Variants in PAX7 observed in about 807,000 individuals in gnomAD.
PAX7 encodes paired box 7, also known as paired box protein Pax-7.
PAX7 carries 18 observed loss-of-function variants against 50.7 expected under a neutral mutation model. The ratio of observed to expected loss-of-function variants is 0.36; its 90% confidence interval spans 0.25 to 0.53. The LOEUF is 0.53. Among genes scored for constraint, PAX7 ranks in the 20% least tolerant of loss-of-function variants. The probability of loss-of-function intolerance (pLI) is 0.93; values close to 1 mark genes in which losing one functional copy is unlikely to be tolerated. For missense variants in PAX7, 644 were observed against 702.9 expected (o/e 0.92, Z 0.95); for synonymous variants, 310 against 290.4 (o/e 1.07, Z -0.69).
intron 7 of PAX7, among the ~76,000 whole-genome samples, chr1:18,721,376 C>T (rs540967260): frequency 2.6e-5 from 4 of 152,302 alleles, no homozygotes; most frequent in Admixed American, 6.5e-5. Flanking sequence ...CCAGAGGTGG[C>T]GGTGGGTGTG....
chr1:18,724,910 G>A (rs2089539359), intron 7 of PAX7, among the ~76,000 whole-genome samples: 1 of 152,210 alleles, frequency 6.6e-6, no homozygotes, highest in Non-Finnish European at 1.5e-5. Flanking sequence ...CACTGACGAA[G>A]GCAATACACA....
At chr1:18,737,728 A>G (rs1930862467) in intron 8 of PAX7, among the ~76,000 whole-genome samples, 1 of 152,298 alleles carries the variant, frequency 6.6e-6, no homozygotes, top group Non-Finnish European at 1.5e-5. Flanking sequence ...ACACATGTGC[A>G]CACATATATG....
intron 4 of PAX7, among the ~76,000 whole-genome samples, chr1:18,678,081 GAAAAAAA>G (rs11349871): frequency 7.9e-6 from 1 of 126,380 alleles, no homozygotes; most frequent in Non-Finnish European, 1.7e-5. Flanking sequence ...GACTCCGTCT[GAAAAAAA>G]AAAAAAAAGA....
At chr1:18,705,367 A>G (rs1268553211) in intron 7 of PAX7, among the ~76,000 whole-genome samples, 3 of 152,216 alleles carry the variant, frequency 2.0e-5, no homozygotes, top group African/African-American at 7.2e-5. Context: ...AATAGGGTCC[A>G]GGCGTGGCTT....
intron 8 of PAX7, among the ~76,000 whole-genome samples, chr1:18,742,552 G>C (rs1432070921): frequency 6.6e-6 from 1 of 152,172 alleles, no homozygotes; most frequent in African/African-American, 2.4e-5. Context: ...GTCCCCCCAA[G>C]GCCAGAGATG....
chr1:18,658,624 G>A (rs1557514226), intron 4 of PAX7, among the ~76,000 whole-genome samples: 1 of 152,232 alleles, frequency 6.6e-6, no homozygotes. Flanking sequence ...GCTGCATGCA[G>A]GACAGGGGTT....
chr1:18,724,272 C>T (rs982842087), intron 7 of PAX7, among the ~76,000 whole-genome samples: 1 of 152,238 alleles, frequency 6.6e-6, no homozygotes, highest in Non-Finnish European at 1.5e-5. Flanking sequence ...CTGGGCAGGG[C>T]CAAGCTCACT....
At chr1:18,680,520 G>A (rs945814121) in intron 4 of PAX7, among the ~76,000 whole-genome samples, 6 of 152,138 alleles carry the variant, frequency 3.9e-5, no homozygotes, top group Admixed American at 6.5e-5. Flanking sequence ...TCACCATTTA[G>A]AAATAACAAG....
chr1:18,657,758 TCTCTC>T (rs1557513784), intron 4 of PAX7, among the ~76,000 whole-genome samples: 1 of 152,058 alleles, frequency 6.6e-6, no homozygotes, highest in Non-Finnish European at 1.5e-5. Context: ...GCTGGCTCTC[TCTCTC>T]CTCTCTCTCT....
At position 18,696,656 on chromosome 1, in the gene PAX7, A is replaced by G. The variant is rs148242939; in HGVS notation, c.787-3997A>G. On this transcript the variant is annotated intron_variant, in intron 5 of 8. Coordinates refer to ENST00000420770, the MANE Select transcript of PAX7 (RefSeq NM_001135254.2). ...GAAATAAGCCAGGCACAGAAAGACA[A>G]ACTTCACATGTTCTCATTTATTTGT... 6.2e-3 allele frequency among the ~76,000 whole-genome samples: 950 copies of G among 152,264 alleles called. 13 individuals carry two copies. The highest frequency in any genetic ancestry group is 0.021 in the African/African-American group (886 of 41,538).
At position 18,635,251 on chromosome 1, in the gene PAX7, AGCT is replaced by A; in HGVS notation, c.451+13_451+15del. ...GCACTGTGCCCTCAGGTGAGAAGGC[AGCT>A]GAGCCGGCAGAGCTGGCCCAGAGTG... On this transcript the variant is annotated intron_variant, in intron 3 of 8. Transcript: ENST00000420770. 1 of 1,612,980 alleles carries A rather than the reference AGCT, an allele frequency of 6.2e-7. No individual in the cohort carries two copies. Among genetic ancestry groups the A allele is most frequent in the Non-Finnish European group, 8.5e-7 (1 of 1,179,466 alleles).
chr1:18,742,878 C>T (rs1931224591), intron 8 of PAX7, among the ~76,000 whole-genome samples: 1 of 152,220 alleles, frequency 6.6e-6, no homozygotes, highest in Admixed American at 6.5e-5. Flanking sequence ...AACAGTGTCT[C>T]ACTTCATCCT....
chr1:18,707,085 A>G (rs2089293420), intron 7 of PAX7, among the ~76,000 whole-genome samples: 1 of 152,234 alleles, frequency 6.6e-6, no homozygotes, highest in South Asian at 2.1e-4. Flanking sequence ...AACATAATGA[A>G]TATTTATAGA....
intron 4 of PAX7, among the ~76,000 whole-genome samples, chr1:18,637,289 T>C (rs2088177570): frequency 6.6e-6 from 1 of 152,202 alleles, no homozygotes; most frequent in African/African-American, 2.4e-5. Flanking sequence ...GCCCTCATAA[T>C]TCCCCTCCTA....
chr1:18,702,795 T>C (rs2089238498), intron 6 of PAX7, among the ~76,000 whole-genome samples: 1 of 152,172 alleles, frequency 6.6e-6, no homozygotes, highest in Admixed American at 6.5e-5. Context: ...AGGTCTGGTT[T>C]TCAGCCCAGC....
intron 4 of PAX7, among the ~76,000 whole-genome samples, chr1:18,682,123 G>A (rs2088910419): frequency 6.6e-6 from 1 of 152,210 alleles, no homozygotes; most frequent in Non-Finnish European, 1.5e-5. Flanking sequence ...TGAACAAGGT[G>A]AGAGTCCAAC....
intron 4 of PAX7, among the ~76,000 whole-genome samples, chr1:18,642,089 T>TA (rs1312706332): frequency 6.6e-6 from 1 of 151,668 alleles, no homozygotes; most frequent in African/African-American, 2.4e-5. Flanking sequence ...CTTTTTTTTT[T>TA]AAGAATGTCT....
intron 4 of PAX7, among the ~76,000 whole-genome samples, chr1:18,666,139 AT>A (rs2088666330): frequency 6.6e-6 from 1 of 152,244 alleles, no homozygotes; most frequent in Non-Finnish European, 1.5e-5. Context: ...CTCCGTCTCA[AT>A]AAAATAAGAC....
intron 7 of PAX7, among the ~76,000 whole-genome samples, chr1:18,709,037 G>A (rs529507142): frequency 5.3e-5 from 8 of 152,306 alleles, no homozygotes; most frequent in Admixed American, 1.3e-4. Flanking sequence ...TGTGCTGGAG[G>A]CTTCCTCAGG....
Sources: gnomAD v4.1 joint callset for allele counts (sites outside exome capture counted in the v4.1 genomes callset) on GRCh38, gnomAD v4.1.1 for gene constraint, MANE v1.5 for transcripts, NCBI Gene and HGNC (gene_info 2026-07-23, HGNC 2026-07-21) for gene names.